Variants in ZNF419 observed in about 807,000 individuals in gnomAD.
The protein encoded by ZNF419 is zinc finger protein 419.
ZNF419 carries 8 observed loss-of-function variants against 14.9 expected under a neutral mutation model. The observed-to-expected ratio is 0.54, with a 90% CI of 0.32 to 0.97. The LOEUF (loss-of-function observed/expected upper bound fraction) is 0.97, where lower values mean the gene tolerates loss of function less well. ZNF419 is among the 50% of genes least tolerant of loss of function. The pLI, the probability that ZNF419 is intolerant of heterozygous loss-of-function variation, is 0.04. For synonymous variants in ZNF419, 211 were observed against 205.3 expected (o/e 1.03, Z -0.24); for missense variants, 595 against 607.2 (o/e 0.98, Z 0.21).
At position 57,493,777 on chromosome 19, in the gene ZNF419, T is replaced by A; in HGVS notation, c.1220T>A (p.Phe407Tyr). 1 of 1,614,084 alleles carries A rather than the reference T, an allele frequency of 6.2e-7. No homozygotes were observed. Among genetic ancestry groups the A allele is most frequent in the Non-Finnish European group, 8.5e-7 (1 of 1,179,994 alleles). The change falls in exon 5 of 5, where the codon TTC becomes TAC. Residue 407 changes from phenylalanine (F) to tyrosine (Y), a missense_variant. Coordinates refer to ENST00000221735, the MANE Select transcript of ZNF419 (RefSeq NM_024691.4). Reference sequence around the variant, plus strand: ...TTTAAGTGCAATGAATGTGGGAGATTCTTTAGAGAGAATTCCACCCTAGTT... The same window carrying A: ...TTTAAGTGCAATGAATGTGGGAGATACTTTAGAGAGAATTCCACCCTAGTT... ...KPFKCNECGR[F>Y]FRENSTLVRH...
chr19:57,492,320 A>T (rs779539679), intron 4 of ZNF419, 109 bp downstream of exon 4: 1 of 1,253,830 alleles, frequency 8.0e-7, no homozygotes, highest in African/African-American at 1.5e-5. Context: ...GCTGATTTCT[A>T]TCTTTTCTTC....
rs2089603410 is a variant in ZNF419 at position 57,495,846 on chromosome 19, TACAAATAAATA to T, written c.*1758_*1768del. The T allele has an allele frequency of 6.8e-6, 1 of 146,910 alleles. No individual in the cohort carries two copies. The highest frequency in any genetic ancestry group is 1.5e-5 in the Non-Finnish European group (1 of 67,002). 9.1% of individuals were successfully genotyped at this position (146,910 alleles called of 1,614,324 possible). A position where few individuals can be genotyped will look rare whatever the true frequency, so the allele number is the denominator to read the frequency against. ...CTTCTGAAATATTTGTAGGTTTAAC[TACAAATAAATA>T]ATTCAATATATAGATAAATGTGTAC... On this transcript the variant is annotated 3_prime_UTR_variant, in exon 5 of 5. Transcript: ENST00000221735.
chr19:57,491,681 A>G (rs1474902093), intron 3 of ZNF419, 84 bp downstream of exon 3: 1 of 1,603,112 alleles, frequency 6.2e-7, no homozygotes, highest in Non-Finnish European at 8.5e-7. Flanking sequence ...GTTCTTCCCA[A>G]AGCTGAACTG....
chr19:57,491,663 A>T, intron 3 of ZNF419, 66 bp downstream of exon 3: 2 of 1,613,270 alleles, frequency 1.2e-6, no homozygotes, highest in Non-Finnish European at 1.7e-6. Context: ...TTTCCTAGGG[A>T]GAGGTCTGTT....
rs565683894 is a variant in ZNF419 at position 57,492,431 on chromosome 19, A to G, written c.298+220A>G. 3.9e-6 allele frequency: 3 copies of G among 774,992 alleles called. No individual in the cohort carries two copies. The East Asian group carries it at 7.3e-5, about 19-fold the overall frequency. The allele number at this position is 774,992 out of a possible 1,614,324, so 48.0% of individuals were successfully genotyped here. ...CCAGTCATCAGCAGAACCCTTCAGC[A>G]GTGGCTTTCACTGAATGTGTGGTGA... On this transcript the variant is annotated intron_variant, in intron 4 of 4. Coordinates refer to ENST00000221735, the MANE Select transcript of ZNF419 (RefSeq NM_024691.4).
At chr19:57,488,141 T>C (rs2089400928) in intron 1 of ZNF419, 158 bp downstream of exon 1, 1 of 1,161,130 alleles carries the variant, frequency 8.6e-7, no homozygotes. Flanking sequence ...GGGGCCCGGC[T>C]CGCAAAGATG....
chr19:57,494,118 C>T lies in ZNF419; in HGVS notation c.*28C>T, dbSNP rs1451440869. The T allele has an allele frequency of 6.4e-7, 1 of 1,550,404 alleles. No homozygotes were observed. The highest frequency in any genetic ancestry group is 2.2e-5 in the East Asian group (1 of 44,530). On this transcript the variant is annotated 3_prime_UTR_variant, in exon 5 of 5. Coordinates refer to ENST00000221735, the MANE Select transcript of ZNF419 (RefSeq NM_024691.4). The stretch of plus-strand genomic sequence containing the variant: ...GTGTGAAATCCTTTAGCCAGCGTTT[C>T]AACCTCATTCAACACCAGAAAGTTC...
rs578217725 is a variant in ZNF419, at chr19:57,492,741, A to C, written c.299-115A>C. On this transcript the variant is annotated intron_variant, in intron 4 of 4. Transcript: ENST00000221735. ...TCCCTGCTGAGAGCTAGCCCTCTTT[A>C]TTTCTGCTAGCAGCCCCAGGCACTA... 2.9e-6 allele frequency: 4 copies of C among 1,403,136 alleles called. No homozygotes were observed. In the East Asian group the frequency reaches 9.1e-5, roughly 32 times the overall value. 86.9% of individuals were successfully genotyped at this position (1,403,136 alleles called of 1,614,324 possible).
rs751228365 is a variant in ZNF419, at chr19:57,494,044, C to T, written c.1487C>T (p.Ser496Phe). Residue 496 changes from serine (S) to phenylalanine (F), a missense_variant, in exon 5 of 5, where the codon TCC becomes TTC. Ser to Phe is a radical substitution (Grantham distance 155). Transcript: ENST00000221735. ...TGTGGGAAGTTTTTTCGCCACAACT[C>T]CAGTCTTTTTAAACATCGAAGGATT... The part of the protein sequence containing the change: ...RECGKFFRHN[S>F]SLFKHRRIHT... 3.1e-6 allele frequency: 5 copies of T among 1,612,226 alleles called. No individual in the cohort carries two copies. Among genetic ancestry groups the T allele is most frequent in the Non-Finnish European group, 4.2e-6 (5 of 1,179,364 alleles).
In ZNF419 at chr19:57,495,776, T is replaced by C. The variant is rs1038673008; in HGVS notation, c.*1686T>C. On this transcript the variant is annotated 3_prime_UTR_variant, in exon 5 of 5. Transcript: ENST00000221735. ...AAAAAAAAAAAAAAAAAAAGCCTTA[T>C]GTGAGTATGCTACTGTAATCTTATG... 19 of 135,140 alleles carry C rather than the reference T, an allele frequency of 1.4e-4. No homozygotes were observed. The highest frequency in any genetic ancestry group is 5.2e-4 in the African/African-American group (19 of 36,408). The allele number at this position is 135,140 out of a possible 1,614,324, so 8.4% of individuals were successfully genotyped here. A position where few individuals can be genotyped will look rare whatever the true frequency, so the allele number is the denominator to read the frequency against.
Position 57,493,907 on chromosome 19 carries a change from T to C in ZNF419, c.1350T>C (p.Ile450=). Reference sequence around the variant, plus strand: ...TCATGCAACATCGAAAAGTTCACATTGGAGAAAAGCCTTTTAAGTGCAATG... The same window carrying C: ...TCATGCAACATCGAAAAGTTCACATCGGAGAAAAGCCTTTTAAGTGCAATG... The part of the protein sequence containing the change: ...STLMQHRKVH[I]GEKPFKCNEC... The change falls in exon 5 of 5, where the codon ATT becomes ATC. Residue 450 remains isoleucine (I), a synonymous_variant. Transcript: ENST00000221735. The C allele has an allele frequency of 6.2e-7, 1 of 1,614,016 alleles. No homozygotes were observed. The highest frequency in any genetic ancestry group is 1.6e-4 in the Middle Eastern group (1 of 6,062).
Position 57,493,395 on chromosome 19 carries a change from G to A in ZNF419, c.838G>A (p.Val280Ile). The A allele has an allele frequency of 3.1e-6, 5 of 1,614,154 alleles. No individual in the cohort carries two copies. Among genetic ancestry groups the A allele is most frequent in the Non-Finnish European group, 1.7e-6 (2 of 1,180,042 alleles). Residue 280 changes from valine to isoleucine, a missense_variant, in exon 5 of 5, where the codon GTT becomes ATT. Val to Ile is a conservative substitution (Grantham distance 29). Transcript: ENST00000221735. ...TGCTCACCTCATTGAACACCAGAGA[G>A]TTCACACTGGAGAAAAGCCTTTTAC... ...RNAHLIEHQR[V>I]HTGEKPFTCS...
At chr19:57,490,670 G>A (rs2089461188) in intron 2 of ZNF419, 1 of 154,550 alleles carries the variant, frequency 6.5e-6, no homozygotes, top group Non-Finnish European at 1.4e-5. Context: ...ATTCTATGGA[G>A]AGGTTCTCAT....
Position 57,492,875 on chromosome 19 carries a change from G to A in ZNF419, c.318G>A (p.Glu106=), listed in dbSNP as rs758586323. ...AIPRGCWHGA[E]AEEAPEQIAS... Reference sequence around the variant, plus strand: ...TGTCAGGTTGTTGGCATGGAGCCGAGGCTGAGGAGGCTCCTGAGCAGATTG... The same window carrying A: ...TGTCAGGTTGTTGGCATGGAGCCGAAGCTGAGGAGGCTCCTGAGCAGATTG... Residue 106 remains glutamate, a synonymous_variant, in exon 5 of 5, where the codon GAG becomes GAA. Coordinates refer to ENST00000221735, the MANE Select transcript of ZNF419 (RefSeq NM_024691.4). 3.7e-6 allele frequency: 6 copies of A among 1,613,698 alleles called. No individual in the cohort carries two copies. Among genetic ancestry groups the A allele is most frequent in the South Asian group, 2.2e-5 (2 of 91,050 alleles).
In ZNF419 at chr19:57,487,804, TG is replaced by T. The variant is rs2123180357; in HGVS notation, c.-146del. 1 of 1,174,278 alleles carries T rather than the reference TG, an allele frequency of 8.5e-7. No homozygotes were observed. Among genetic ancestry groups the T allele is most frequent in the African/African-American group, 1.5e-5 (1 of 65,780 alleles). The allele number at this position is 1,174,278 out of a possible 1,614,324, so 72.7% of individuals were successfully genotyped here. On this transcript the variant is annotated 5_prime_UTR_variant, in exon 1 of 5. Transcript: ENST00000221735. Reference sequence around the variant, plus strand: ...AACCTGCGAGAAGCTGGTTGTGCGCTGAGGCGACCAGCGCCGGAAGGCACGG... The same window carrying T: ...AACCTGCGAGAAGCTGGTTGTGCGCTAGGCGACCAGCGCCGGAAGGCACGG...
chr19:57,492,428 A>G (rs758890563), intron 4 of ZNF419: 1 of 776,308 alleles, frequency 1.3e-6, no homozygotes, highest in African/African-American at 1.7e-5. Flanking sequence ...AGAACCCTTC[A>G]GCAGTGGCTT....
chr19:57,494,225 A>G lies in ZNF419; in HGVS notation c.*135A>G, dbSNP rs1461685063. The G allele has an allele frequency of 4.6e-6, 6 of 1,299,538 alleles. No individual in the cohort carries two copies. The Admixed American group carries it at 7.8e-5, about 17-fold the overall frequency. The allele number at this position is 1,299,538 out of a possible 1,614,324, so 80.5% of individuals were successfully genotyped here. Reference sequence around the variant, plus strand: ...CTCATTCAACACTGGACAGTTTACAATGTGGACAATGTAGTGAATATGGAA... The same window carrying G: ...CTCATTCAACACTGGACAGTTTACAGTGTGGACAATGTAGTGAATATGGAA... On this transcript the variant is annotated 3_prime_UTR_variant, in exon 5 of 5. Coordinates refer to ENST00000221735, the MANE Select transcript of ZNF419 (RefSeq NM_024691.4).
chr19:57,491,147 C>T (rs2089471914), intron 2 of ZNF419: 3 of 380,958 alleles, frequency 7.9e-6, no homozygotes, highest in South Asian at 2.8e-5. Flanking sequence ...GGACCTTGTA[C>T]TGGGGGCTTC....
In ZNF419 at chr19:57,491,561, G is replaced by A; in HGVS notation, c.163G>A (p.Val55Met). Residue 55 changes from valine (V) to methionine (M), a missense_variant, in exon 3 of 5, where the codon GTG becomes ATG. Physicochemically the swap from Val to Met is conservative, Grantham distance 21. Coordinates refer to ENST00000221735, the MANE Select transcript of ZNF419 (RefSeq NM_024691.4). ...DDAQRLLYRN[V>M]MLENFTLLAS... ...CGCTCAGAGGCTCCTCTACCGCAAT[G>A]TGATGCTGGAGAACTTTACACTTCT... 1 of 1,614,098 alleles carries A rather than the reference G, an allele frequency of 6.2e-7. No homozygotes were observed. The highest frequency in any genetic ancestry group is 8.5e-7 in the Non-Finnish European group (1 of 1,180,004).
Sources: allele counts gnomAD v4.1 joint callset, GRCh38; gene constraint gnomAD v4.1.1; transcripts MANE v1.5; gene names NCBI Gene and HGNC (gene_info 2026-07-23, HGNC 2026-07-21).